The following MMP26 variants were observed in gnomAD, a reference collection of about 807,000 sequenced individuals.
MMP26 encodes matrix metallopeptidase 26.
In MMP26, 33 loss-of-function variants were observed where a neutral mutation model predicts 31.0. That is an observed-to-expected ratio of 1.06 (90% CI 0.81 to 1.42). MMP26 has a LOEUF of 1.42. Ranked by LOEUF, MMP26 falls within the 40% of genes most tolerant of loss-of-function variation. MMP26 has a pLI of 0.00. For missense variants in MMP26, 347 were observed against 316.1 expected (o/e 1.10, Z -0.74); for synonymous variants, 122 against 114.9 (o/e 1.06, Z -0.40).
intron 2 of MMP26, among the ~76,000 whole-genome samples, chr11:4,868,213 G>T (rs1031248905): frequency 3.9e-5 from 6 of 152,062 alleles, no homozygotes; most frequent in African/African-American, 9.7e-5. Flanking sequence ...ATGGACACAT[G>T]GGGGGAACAA....
intron 2 of MMP26, among the ~76,000 whole-genome samples, chr11:4,885,329 A>G (rs1046306927): frequency 6.6e-6 from 1 of 152,164 alleles, no homozygotes; most frequent in East Asian, 1.9e-4. Flanking sequence ...TAATATAGTC[A>G]TATGCCCCAC....
intron 2 of MMP26, among the ~76,000 whole-genome samples, chr11:4,969,630 A>G (rs899146299): frequency 6.6e-6 from 1 of 152,080 alleles, no homozygotes; most frequent in Non-Finnish European, 1.5e-5. Flanking sequence ...TGACATACAT[A>G]AAGTATTTAT....
chr11:4,760,230 A>G (rs887939159), intron 1 of MMP26, among the ~76,000 whole-genome samples: 5 of 152,256 alleles, frequency 3.3e-5, no homozygotes, highest in Non-Finnish European at 7.3e-5. Context: ...CCATAGAATG[A>G]CAAAATGATA....
At chr11:4,825,030 G>A (rs1849561818) in intron 2 of MMP26, among the ~76,000 whole-genome samples, 2 of 152,098 alleles carry the variant, frequency 1.3e-5, no homozygotes, top group South Asian at 2.1e-4. Flanking sequence ...CTCTTTTCAG[G>A]CTTTGCTGAG....
intron 1 of MMP26, among the ~76,000 whole-genome samples, chr11:4,754,489 C>A (rs116588269): frequency 7.9e-5 from 12 of 151,882 alleles, no homozygotes; most frequent in African/African-American, 2.7e-4. Context: ...ATATTGGATG[C>A]TATAAATCAA....
chr11:4,775,747 T>A (rs77535147), intron 2 of MMP26, among the ~76,000 whole-genome samples: 2 of 139,710 alleles, frequency 1.4e-5, no homozygotes, highest in African/African-American at 2.7e-5. Context: ...AGGAAGTGAG[T>A]GAGAGAGAGA....
intron 2 of MMP26, chr11:4,947,158 A>G: frequency 9.7e-7 from 1 of 1,034,584 alleles, no homozygotes; most frequent in African/African-American, 1.7e-5. Context: ...GTAAAATAGG[A>G]ATATCTGTAA....
intron 2 of MMP26, among the ~76,000 whole-genome samples, chr11:4,781,121 A>G (rs2133431820): frequency 6.6e-6 from 1 of 152,270 alleles, no homozygotes; most frequent in Non-Finnish European, 1.5e-5. Context: ...GGGGTAGAAA[A>G]GAGGGCTTAT....
chr11:4,781,733 T>C (rs1342511468), intron 2 of MMP26, among the ~76,000 whole-genome samples: 1 of 152,154 alleles, frequency 6.6e-6, no homozygotes, highest in Non-Finnish European at 1.5e-5. Context: ...AAATCTCATC[T>C]TGTAGCTCCC....
In MMP26 at chr11:4,813,647, A is replaced by G. The variant is rs969092378; in HGVS notation, c.-145+46306A>G. ...AAGTGAAACTCACCTTCTACCTCAA[A>G]GTAAAATATCTTTATTTGAGGTATA... On this transcript the variant is annotated intron_variant, in intron 2 of 7. Coordinates refer to ENST00000380390, the MANE Select transcript of MMP26 (RefSeq NM_021801.5). Among the ~76,000 whole-genome samples the G allele has an allele frequency of 4.6e-5, 7 of 152,202 alleles. 1 individual carries two copies. Among genetic ancestry groups the G allele is most frequent in the Non-Finnish European group, 8.8e-5 (6 of 68,034 alleles).
At chr11:4,855,420 T>C (rs1031310512) in intron 2 of MMP26, among the ~76,000 whole-genome samples, 3 of 152,118 alleles carry the variant, frequency 2.0e-5, no homozygotes, top group Non-Finnish European at 4.4e-5. Flanking sequence ...AACTACGTGA[T>C]GCATGCACAA....
rs1487637018 is a variant in MMP26 at position 4,908,113 on chromosome 11, CA to C, written c.-144-79954del. On this transcript the variant is annotated intron_variant, in intron 2 of 7. Transcript: ENST00000380390. ...GTGTCTCCCACATCTGTGCTGTGCTCACCTTCTATGTGCCCATCATCACCCT... is the reference window on the plus strand; with the variant it reads ...GTGTCTCCCACATCTGTGCTGTGCTCCCTTCTATGTGCCCATCATCACCCT... 6 of 1,613,972 alleles carry C rather than the reference CA, an allele frequency of 3.7e-6. No individual in the cohort carries two copies. The African/African-American group carries it at 5.3e-5, about 14-fold the overall frequency.
At chr11:4,821,740 C>T (rs1849505053) in intron 2 of MMP26, 1 of 1,613,980 alleles carries the variant, frequency 6.2e-7, no homozygotes. Flanking sequence ...GTTCTTTCTA[C>T]ACGGATTTAC....
rs1339965502 is a variant in MMP26, at chr11:4,959,513, A to G, written c.-144-28555A>G. Among the ~76,000 whole-genome samples, 2 of 152,070 alleles carry G rather than the reference A, an allele frequency of 1.3e-5. 1 individual carries two copies. Among genetic ancestry groups the G allele is most frequent in the Middle Eastern group, 6.3e-3 (2 of 316 alleles). ...TCTTCTGCTAGGCTATACACACTTT[A>G]GCCTCTAGAATGTCATCACTCCCCC... On this transcript the variant is annotated intron_variant, in intron 2 of 7. Transcript: ENST00000380390.
intron 2 of MMP26, among the ~76,000 whole-genome samples, chr11:4,803,245 C>T (rs1849207995): frequency 6.6e-6 from 1 of 152,214 alleles, no homozygotes; most frequent in African/African-American, 2.4e-5. Flanking sequence ...TTATCCATCA[C>T]ATCTCTCAGG....
intron 2 of MMP26, among the ~76,000 whole-genome samples, chr11:4,794,425 C>T (rs959038451): frequency 3.3e-5 from 5 of 152,122 alleles, no homozygotes; most frequent in Admixed American, 3.3e-4. Flanking sequence ...GTATGCAAGT[C>T]CCCCACCTAG....
chr11:4,711,905 C>T (rs1847867454), intron 1 of MMP26: 1 of 152,118 alleles, frequency 6.6e-6, no homozygotes, highest in Admixed American at 6.6e-5. Flanking sequence ...GATTATTTTG[C>T]TCTCTCTGAC....
At chr11:4,714,502 C>T (rs184805284) in intron 1 of MMP26, among the ~76,000 whole-genome samples, 18 of 152,244 alleles carry the variant, frequency 1.2e-4, no homozygotes, top group South Asian at 4.1e-4. Context: ...ACCAATATCA[C>T]GTGACTTCCA....
chr11:4,834,842 A>G (rs940840142), intron 2 of MMP26, among the ~76,000 whole-genome samples: 1 of 152,182 alleles, frequency 6.6e-6, no homozygotes, highest in Non-Finnish European at 1.5e-5. Context: ...TAAGATCTCA[A>G]TATGGTCTTC....
Sources: gnomAD v4.1 joint callset for allele counts (sites outside exome capture counted in the v4.1 genomes callset) on GRCh38, gnomAD v4.1.1 for gene constraint, MANE v1.5 for transcripts, NCBI Gene and HGNC (gene_info 2026-07-23, HGNC 2026-07-21) for gene names.